Variants in RNF115 observed in about 807,000 individuals in gnomAD.
RNF115 encodes E3 ubiquitin-protein ligase RNF115.
In RNF115, 31 loss-of-function variants were observed where a neutral mutation model predicts 39.2. The observed-to-expected ratio is 0.79, with a 90% confidence interval of 0.59 to 1.07. RNF115 has a LOEUF of 1.07. Ranked by LOEUF, RNF115 falls within the 50% of genes least tolerant of loss-of-function variation. The probability of loss-of-function intolerance (pLI) is 0.00; values close to 1 mark genes in which losing one functional copy is unlikely to be tolerated. For missense variants in RNF115, 384 were observed against 381.7 expected (o/e 1.01, Z -0.05); for synonymous variants, 124 against 131.0 (o/e 0.95, Z 0.37).
At chr1:145,751,752 C>T (rs955937433) in intron 5 of RNF115, among the ~76,000 whole-genome samples, 1 of 152,140 alleles carries the variant, frequency 6.6e-6, no homozygotes, top group Non-Finnish European at 1.5e-5. Context: ...CCTAAAGTAC[C>T]ACATGACACG....
intron 1 of RNF115, among the ~76,000 whole-genome samples, chr1:145,823,040 C>G (rs1238592184): frequency 7.7e-5 from 6 of 78,220 alleles, no homozygotes; most frequent in African/African-American, 2.3e-4. Flanking sequence ...AGGGACAGGG[C>G]GGGGGGCGGA....
At chr1:145,820,359 G>A (rs1392428368) in intron 1 of RNF115, among the ~76,000 whole-genome samples, 3 of 151,858 alleles carry the variant, frequency 2.0e-5, no homozygotes, top group African/African-American at 4.8e-5. Flanking sequence ...CTACTACTCA[G>A]GAGGATATAG....
chr1:145,803,183 T>G (rs1649325229), intron 1 of RNF115, among the ~76,000 whole-genome samples: 2 of 152,042 alleles, frequency 1.3e-5, no homozygotes, highest in Admixed American at 1.3e-4. Flanking sequence ...GCTCAAGGAG[T>G]TGTAAGCAAT....
At position 145,806,493 on chromosome 1, in the gene RNF115, T is replaced by C. The variant is rs587623955; in HGVS notation, c.102+17279A>G. Among the ~76,000 whole-genome samples, 3 of 152,312 alleles carry C rather than the reference T, an allele frequency of 2.0e-5. No homozygotes were observed. The East Asian group carries it at 5.8e-4, about 29-fold the overall frequency. On this transcript the variant is annotated intron_variant, in intron 1 of 8. Coordinates refer to ENST00000582693, the MANE Select transcript of RNF115 (RefSeq NM_014455.4). ...TACTTCTTCCTGAATATAGCTGATA[T>C]AGTTTGGATATGTGTCCCCTCTAAA...
intron 3 of RNF115, among the ~76,000 whole-genome samples, chr1:145,775,766 TG>T (rs1219799032): frequency 4.0e-5 from 6 of 151,390 alleles, no homozygotes; most frequent in Non-Finnish European, 5.9e-5. Context: ...GCTAAGGCGG[TG>T]GGGGGGATCA....
At chr1:145,784,706 C>G in intron 2 of RNF115, 110 bp from the exon 3 acceptor site, 1 of 832,610 alleles carries the variant, frequency 1.2e-6, no homozygotes, top group Non-Finnish European at 2.0e-6. Flanking sequence ...GGAAAAATAA[C>G]TCATCCCAAC....
Position 145,788,841 on chromosome 1 carries a change from A to C in RNF115, c.161+67T>G, listed in dbSNP as rs781792828. ...GTTGTAAAACAAATTCAACTTACTCAGTCCATGCTGAGAGAAAATAGTTTT... is the reference window on the plus strand; with the variant it reads ...GTTGTAAAACAAATTCAACTTACTCCGTCCATGCTGAGAGAAAATAGTTTT... On this transcript the variant is annotated intron_variant, in intron 2 of 8. Coordinates refer to ENST00000582693, the MANE Select transcript of RNF115 (RefSeq NM_014455.4). 3.2e-5 allele frequency: 36 copies of C among 1,117,880 alleles called. No homozygotes were observed. In the African/African-American group the frequency reaches 3.7e-4, roughly 11 times the overall value. The allele number at this position is 1,117,880 out of a possible 1,614,324, so 69.2% of individuals were successfully genotyped here.
intron 5 of RNF115, among the ~76,000 whole-genome samples, chr1:145,751,988 C>A (rs1354493056): frequency 6.6e-6 from 1 of 152,140 alleles, no homozygotes; most frequent in Non-Finnish European, 1.5e-5. Flanking sequence ...TGAATCACAA[C>A]TTAGAGCAAT....
intron 4 of RNF115, among the ~76,000 whole-genome samples, chr1:145,753,327 T>G (rs146369163): frequency 2.0e-5 from 3 of 152,308 alleles, no homozygotes; most frequent in Non-Finnish European, 4.4e-5. Flanking sequence ...TCAAACTATG[T>G]TCCCTGAATA....
At chr1:145,770,235 T>G (rs1376172075) in intron 4 of RNF115, among the ~76,000 whole-genome samples, 1 of 152,170 alleles carries the variant, frequency 6.6e-6, no homozygotes, top group Non-Finnish European at 1.5e-5. Flanking sequence ...TAAACTTTCT[T>G]AGTATGATAG....
chr1:145,795,353 G>T (rs1553719795), intron 1 of RNF115, among the ~76,000 whole-genome samples: 1 of 152,104 alleles, frequency 6.6e-6, no homozygotes, highest in Non-Finnish European at 1.5e-5. Context: ...ACGCGGAAGG[G>T]ACCCAAGCTG....
rs782732815 is a variant in RNF115, at chr1:145,823,837, C to T, written c.37G>A (p.Ala13Thr). The part of the protein sequence containing the change: ...EASAAGADSG[A>T]AVAAHRFFCH... ...AAAAACCGGTGGGCGGCTACAGCGG[C>T]GCCCGAGTCCGCCCCGGCCGCCGAA... The change falls in exon 1 of 9, where the codon GCC becomes ACC. Residue 13 changes from alanine (A) to threonine (T), a missense_variant. Physicochemically the swap from Ala to Thr is moderately conservative, Grantham distance 58. Transcript: ENST00000582693. 5.1e-6 allele frequency: 8 copies of T among 1,572,468 alleles called. No homozygotes were observed. Among genetic ancestry groups the T allele is most frequent in the East Asian group, 5.0e-5 (2 of 40,008 alleles).
chr1:145,804,499 GCACACACACACACACA>G (rs35848173), intron 1 of RNF115, among the ~76,000 whole-genome samples: 2 of 148,436 alleles, frequency 1.3e-5, no homozygotes, highest in African/African-American at 2.5e-5. Flanking sequence ...ATGCATGCAT[GCACACACACACACACA>G]CACACACACA....
intron 7 of RNF115, among the ~76,000 whole-genome samples, chr1:145,749,704 T>C (rs1571704165): frequency 6.6e-6 from 1 of 152,114 alleles, no homozygotes; most frequent in East Asian, 1.9e-4. Context: ...CTGTTTCTGC[T>C]CTCTCTCACT....
chr1:145,763,326 C>G (rs1658603971), intron 4 of RNF115, among the ~76,000 whole-genome samples: 1 of 152,132 alleles, frequency 6.6e-6, no homozygotes, highest in Admixed American at 6.5e-5. Context: ...ATCAAAGAGG[C>G]TTCCTTTATA....
intron 2 of RNF115, chr1:145,787,028 T>C (rs782156385): frequency 1.3e-5 from 16 of 1,272,336 alleles, no homozygotes; most frequent in Non-Finnish European, 1.4e-5. Flanking sequence ...ATGTGTAGTT[T>C]TTCCTGGTTG....
At chr1:145,756,409 G>A (rs587663429) in intron 4 of RNF115, among the ~76,000 whole-genome samples, 4 of 151,760 alleles carry the variant, frequency 2.6e-5, no homozygotes, top group Non-Finnish European at 4.4e-5. Context: ...GCACTGAGCC[G>A]AGATTGCACC....
chr1:145,756,570 G>C (rs1290724814), intron 4 of RNF115, among the ~76,000 whole-genome samples: 1 of 151,940 alleles, frequency 6.6e-6, no homozygotes, highest in Non-Finnish European at 1.5e-5. Flanking sequence ...AGTTTCCTAG[G>C]GCTGCTATAA....
At position 145,739,402 on chromosome 1, in the gene RNF115, G is replaced by GA. The variant is rs1447980027; in HGVS notation, c.*7463dup. Reference sequence around the variant, plus strand: ...GTGGGAGCTAAGGTTTGTGGGAACGGAAAGAGATATGGCTGAAGTAGATGA... The same window carrying GA: ...GTGGGAGCTAAGGTTTGTGGGAACGGAAAAGAGATATGGCTGAAGTAGATGA... On this transcript the variant is annotated 3_prime_UTR_variant, in exon 9 of 9. Coordinates refer to ENST00000582693, the MANE Select transcript of RNF115 (RefSeq NM_014455.4). The GA allele has an allele frequency of 6.6e-6, 1 of 152,146 alleles. No homozygotes were observed. Among genetic ancestry groups the GA allele is most frequent in the Non-Finnish European group, 1.5e-5 (1 of 68,034 alleles). The allele number at this position is 152,146 out of a possible 1,614,324, so 9.4% of individuals were successfully genotyped here. A position where few individuals can be genotyped will look rare whatever the true frequency, so the allele number is the denominator to read the frequency against.
Sources: allele counts gnomAD v4.1 joint callset (sites outside exome capture counted in the v4.1 genomes callset), GRCh38; gene constraint gnomAD v4.1.1; transcripts MANE v1.5; gene names NCBI Gene and HGNC (gene_info 2026-07-23, HGNC 2026-07-21).